ZNF624: variants seen among roughly 807,000 people sequenced by gnomAD.
ZNF624 encodes zinc finger protein 624.
In ZNF624, 43 loss-of-function variants were observed where a neutral mutation model predicts 74.7. That is an observed-to-expected ratio of 0.58 (90% CI 0.45 to 0.74). The LOEUF is 0.74. Ranked by LOEUF, ZNF624 falls within the 30% of genes least tolerant of loss-of-function variation. ZNF624 has a pLI of 0.00. For missense variants in ZNF624, 820 were observed against 1,030.0 expected, an observed-to-expected ratio of 0.80 and a Z score of 2.79; for synonymous variants, 331 against 341.3, an observed-to-expected ratio of 0.97 and a Z score of 0.33.
Position 16,626,977 on chromosome 17 carries a change from C to T in ZNF624, c.377-2468G>A, listed in dbSNP as rs536895641. Among the ~76,000 whole-genome samples the T allele has an allele frequency of 7.2e-5, 11 of 152,202 alleles. No homozygotes were observed. In the East Asian group the frequency reaches 2.1e-3, roughly 29 times the overall value. On this transcript the variant is annotated intron_variant, in intron 5 of 5. Coordinates refer to ENST00000311331, the MANE Select transcript of ZNF624 (RefSeq NM_020787.4). The stretch of plus-strand genomic sequence containing the variant: ...GGCTGAGGCAGAAGAATTGCTTGAA[C>T]CCAGGAGGCGGAGGTTGCAGTGAGC...
chr17:16,650,183 A>G (rs1444325041), intron 1 of ZNF624, among the ~76,000 whole-genome samples: 1 of 152,142 alleles, frequency 6.6e-6, no homozygotes, highest in Non-Finnish European at 1.5e-5. Flanking sequence ...TCTTTGCCAC[A>G]ATCACTTACT....
At position 16,623,413 on chromosome 17, in the gene ZNF624, T is replaced by C; in HGVS notation, c.1473A>G (p.Ile491Met). ...AGGGTTTTTCCCCAGTGTGAGTTCT[T>C]ATATGTACGATAAGGCTTGAATTAC... ...YRSNSSLIVH[I>M]RTHTGEKPYE... Residue 491 changes from isoleucine to methionine, a missense_variant, in exon 6 of 6, where the codon ATA becomes ATG. Ile to Met is a conservative substitution (Grantham distance 10, BLOSUM62 1). Coordinates refer to ENST00000311331, the MANE Select transcript of ZNF624 (RefSeq NM_020787.4). The surrounding 1 kb of genome is among the most constrained non-coding windows in gnomAD (Gnocchi z 5.3). 1 of 1,614,050 alleles carries C rather than the reference T, an allele frequency of 6.2e-7. No homozygotes were observed. Among genetic ancestry groups the C allele is most frequent in the Non-Finnish European group, 8.5e-7 (1 of 1,179,958 alleles).
At position 16,622,376 on chromosome 17, in the gene ZNF624, T is replaced by G. The variant is rs375942015; in HGVS notation, c.2510A>C (p.Lys837Thr). The G allele has an allele frequency of 6.2e-6, 10 of 1,613,688 alleles. No individual in the cohort carries two copies. Among genetic ancestry groups the G allele is most frequent in the African/African-American group, 1.3e-5 (1 of 74,900 alleles). The change falls in exon 6 of 6, where the codon AAA (lysine) becomes ACA (threonine). Residue 837 changes from lysine to threonine, a missense_variant. By Grantham distance (78) the Lys-to-Thr change is moderately conservative (BLOSUM62 -1). Transcript: ENST00000311331. ...GAAGGCTTTTCCACATTCATTACAT[T>G]TATAGGGTTTTTCTCCAGTATGCAT... ...LRMHTGEKPY[K>T]CNECGKAFRS...
downstream of ZNF624, among the ~76,000 whole-genome samples, chr17:16,618,587 G>C (rs115656082): frequency 0.015 from 2,312 of 152,142 alleles, 47 homozygotes; most frequent in African/African-American, 0.053. Flanking sequence ...AAAACATACA[G>C]TTTACCCTTG....
At chr17:16,643,488 T>C (rs1226730365) in intron 3 of ZNF624, among the ~76,000 whole-genome samples, 2 of 152,148 alleles carry the variant, frequency 1.3e-5, no homozygotes, top group Non-Finnish European at 2.9e-5. Flanking sequence ...TCTATACAGA[T>C]GAAAAGATTA....
rs1909005752 is a variant in ZNF624 at position 16,624,223 on chromosome 17, G to C, written c.663C>G (p.His221Gln). 1.2e-6 allele frequency: 2 copies of C among 1,614,062 alleles called. No individual in the cohort carries two copies. Among genetic ancestry groups the C allele is most frequent in the South Asian group, 1.1e-5 (1 of 91,090 alleles). ...TTTCCTCTTGTGTTTGGCATCTGCTGTGAAGCTCTTCTGTGGCAATGCCTG... is the reference window on the plus strand; with the variant it reads ...TTTCCTCTTGTGTTTGGCATCTGCTCTGAAGCTCTTCTGTGGCAATGCCTG... ...PEPGIATEELHSRCQTQEENF... is the reference protein window; with the variant it reads ...PEPGIATEELQSRCQTQEENF... The change falls in exon 6 of 6, where the codon CAC becomes CAG. Residue 221 changes from histidine to glutamine, a missense_variant. His to Gln is a conservative substitution (Grantham distance 24). Transcript: ENST00000311331.
chr17:16,614,707 T>A, the ZNF624 span, among the ~76,000 whole-genome samples: 1 of 151,970 alleles, frequency 6.6e-6, no homozygotes. Context: ...ATGTTATGAG[T>A]CCATAATTCT....
intron 2 of ZNF624, 90 bp from the exon 3 acceptor site, chr17:16,647,484 G>T: frequency 9.4e-7 from 1 of 1,067,374 alleles, no homozygotes; most frequent in Non-Finnish European, 1.5e-6. Context: ...CACTGTGGAT[G>T]CAGTGTATAC....
At position 16,633,920 on chromosome 17, in the gene ZNF624, CA is replaced by C. The variant is rs1184042999; in HGVS notation, c.317del (p.Leu106TrpfsTer9). ...TCACCCATGGTCCTTTCCCATTCTC[CA>C]AATGAGATATCATGTCTGGTTTGGA... is the stretch of plus-strand genomic sequence containing the variant. ...AVSKPDMISH[L>X]ENGKGPWVTV... On this transcript the variant is annotated frameshift_variant, in exon 5 of 6. Transcript: ENST00000311331. LOFTEE classifies it high-confidence loss of function. 2 of 1,613,406 alleles carry C rather than the reference CA, an allele frequency of 1.2e-6. No homozygotes were observed. The highest frequency in any genetic ancestry group is 1.7e-6 in the Non-Finnish European group (2 of 1,179,684).
chr17:16,620,384 G>A (rs1908878885), downstream of ZNF624, among the ~76,000 whole-genome samples: 1 of 152,124 alleles, frequency 6.6e-6, no homozygotes. Flanking sequence ...GCTTTACACG[G>A]CCTCTTCCAT....
Position 16,624,440 on chromosome 17 carries a change from TC to T in ZNF624, c.445del (p.Glu149ArgfsTer4). 6.2e-7 allele frequency: 1 copy of T among 1,606,958 alleles called. No homozygotes were observed. Among genetic ancestry groups the T allele is most frequent in the Non-Finnish European group, 8.5e-7 (1 of 1,178,038 alleles). ...TKAISEDLSQ[E>X]AILEKLTENG... ...CTCTGTAAGTTTCTCTAGTATGGCCTCCTGTGATAAATCTTCAGAAATAGCC... is the reference window on the plus strand; with the variant it reads ...CTCTGTAAGTTTCTCTAGTATGGCCTCTGTGATAAATCTTCAGAAATAGCC... On this transcript the variant is annotated frameshift_variant, in exon 6 of 6. Transcript: ENST00000311331. LOFTEE classifies it high-confidence loss of function.
chr17:16,614,610 A>G, the ZNF624 span, among the ~76,000 whole-genome samples: 3 of 152,186 alleles, frequency 2.0e-5, no homozygotes, highest in South Asian at 6.2e-4. Context: ...AACCAATAAT[A>G]CCAATCTTAC....
chr17:16,638,148 T>C (rs1909378757), intron 3 of ZNF624, among the ~76,000 whole-genome samples: 1 of 152,014 alleles, frequency 6.6e-6, no homozygotes, highest in African/African-American at 2.4e-5. Flanking sequence ...GAAATGCAAA[T>C]CAAAACCACA....
chr17:16,652,073 C>T lies in ZNF624; in HGVS notation c.-3+1691G>A, dbSNP rs537671183. ...GGAATTACTTAATGGGTATAATGTACGTTATTCTAGGGACAGATACCCTGA... is the reference window on the plus strand; with the variant it reads ...GGAATTACTTAATGGGTATAATGTATGTTATTCTAGGGACAGATACCCTGA... On this transcript the variant is annotated intron_variant, in intron 1 of 5. Transcript: ENST00000311331. 1.6e-4 allele frequency among the ~76,000 whole-genome samples: 24 copies of T among 152,008 alleles called. No individual in the cohort carries two copies. The East Asian group carries it at 4.2e-3, about 27-fold the overall frequency.
chr17:16,637,710 A>AT (rs1327206309), intron 3 of ZNF624, among the ~76,000 whole-genome samples: 1 of 152,256 alleles, frequency 6.6e-6, no homozygotes, highest in Non-Finnish European at 1.5e-5. Flanking sequence ...TTATACAAAA[A>AT]TTAATTCAAG....
chr17:16,624,005 T>A lies in ZNF624; in HGVS notation c.881A>T (p.His294Leu). Reference sequence around the variant, plus strand: ...TTTTTCTTTAGTATGAGTTCTTTGATGTTGAATGAGCAATGATCTATAATG... The same window carrying A: ...TTTTTCTTTAGTATGAGTTCTTTGAAGTTGAATGAGCAATGATCTATAATG... Reference protein sequence around the residue: ...AFHYRSLLIQHQRTHTKEKPY... With the variant: ...AFHYRSLLIQLQRTHTKEKPY... Residue 294 changes from histidine (H) to leucine (L), a missense_variant, in exon 6 of 6, where the codon CAT becomes CTT. Coordinates refer to ENST00000311331, the MANE Select transcript of ZNF624 (RefSeq NM_020787.4). 1 of 1,613,764 alleles carries A rather than the reference T, an allele frequency of 6.2e-7. No homozygotes were observed. Among genetic ancestry groups the A allele is most frequent in the Non-Finnish European group, 8.5e-7 (1 of 1,179,960 alleles).
chr17:16,638,628 T>C (rs191108446), intron 3 of ZNF624, among the ~76,000 whole-genome samples: 196 of 151,904 alleles, frequency 1.3e-3, no homozygotes, highest in African/African-American at 4.6e-3. Context: ...AACCAAACAC[T>C]GAATGTTCTC....
rs776743426 is a variant in ZNF624, at chr17:16,623,346, T to C, written c.1540A>G (p.Asn514Asp). 8.7e-6 allele frequency: 14 copies of C among 1,613,322 alleles called. No individual in the cohort carries two copies. Among genetic ancestry groups the C allele is most frequent in the Admixed American group, 3.3e-5 (2 of 59,990 alleles). Reference sequence around the variant, plus strand: ...TGAATTCGCTGATGTTCTGTGAAATTTGCGATGCGGTTGAATGCTTTCCCA... The same window carrying C: ...TGAATTCGCTGATGTTCTGTGAAATCTGCGATGCGGTTGAATGCTTTCCCA... ...ECGKAFNRIA[N>D]FTEHQRIHTG... The change falls in exon 6 of 6, where the codon AAT becomes GAT. Residue 514 changes from asparagine to aspartate, a missense_variant. Asn to Asp is a conservative substitution (Grantham distance 23). Coordinates refer to ENST00000311331, the MANE Select transcript of ZNF624 (RefSeq NM_020787.4). This position sits in a 1 kb window ranked among gnomAD's most constrained non-coding sequence, Gnocchi z 5.3.
Position 16,624,339 on chromosome 17 carries a change from C to T in ZNF624, c.547G>A (p.Glu183Lys). 1 of 1,613,720 alleles carries T rather than the reference C, an allele frequency of 6.2e-7. No homozygotes were observed. The highest frequency in any genetic ancestry group is 8.5e-7 in the Non-Finnish European group (1 of 1,179,916). Reference sequence around the variant, plus strand: ...ATTATTCTTTGACTCAAATGATTCTCCTGATTATTTTGTAATCTCAATATC... The same window carrying T: ...ATTATTCTTTGACTCAAATGATTCTTCTGATTATTTTGTAATCTCAATATC... ...DRILRLQNNQ[E>K]NHLSQRIIPL... Residue 183 changes from glutamate to lysine, a missense_variant, in exon 6 of 6, where the codon GAG becomes AAG. Coordinates refer to ENST00000311331, the MANE Select transcript of ZNF624 (RefSeq NM_020787.4).
Sources: allele counts gnomAD v4.1 joint callset (sites outside exome capture counted in the v4.1 genomes callset), GRCh38; gene constraint gnomAD v4.1.1; non-coding constraint Gnocchi (gnomAD v3.1); transcripts MANE v1.5; gene names NCBI Gene and HGNC (gene_info 2026-07-23, HGNC 2026-07-21).